Variants in TNIK observed in about 807,000 individuals in gnomAD.
TNIK encodes the protein TRAF2 and NCK interacting kinase, also known as TRAF2 and NCK-interacting protein kinase.
TNIK carries 49 observed loss-of-function variants against 191.3 expected under a neutral mutation model. The ratio of observed to expected loss-of-function variants is 0.26; its 90% CI spans 0.20 to 0.32. The LOEUF (loss-of-function observed/expected upper bound fraction) is 0.32. Ranked by LOEUF, TNIK falls within the 10% of genes least tolerant of loss-of-function variation. The probability of loss-of-function intolerance (pLI) is 1.00; values close to 1 mark genes in which losing one functional copy is unlikely to be tolerated. For missense variants in TNIK, 1,155 were observed against 1,702.3 expected (o/e 0.68, Z 5.66); for synonymous variants, 594 against 600.9 (o/e 0.99, Z 0.17).
At chr3:171,450,618 T>C (rs1036552197) in intron 1 of TNIK, among the ~76,000 whole-genome samples, 1 of 152,222 alleles carries the variant, frequency 6.6e-6, no homozygotes, top group African/African-American at 2.4e-5. Context: ...TAGACAAAGA[T>C]ATGCAAACAC....
chr3:171,265,324 G>C (rs1225659967), intron 2 of TNIK, among the ~76,000 whole-genome samples: 1 of 152,172 alleles, frequency 6.6e-6, no homozygotes, highest in African/African-American at 2.4e-5. Flanking sequence ...GACCAATTTG[G>C]ATAGGATTTC....
chr3:171,099,189 A>G (rs1397861237), intron 22 of TNIK, among the ~76,000 whole-genome samples: 1 of 152,070 alleles, frequency 6.6e-6, no homozygotes, highest in Non-Finnish European at 1.5e-5. Flanking sequence ...TCCCTCAAAT[A>G]TAACACTGAA....
intron 2 of TNIK, among the ~76,000 whole-genome samples, chr3:171,365,246 GATCTCAGCTCACCA>G (rs1715571380): frequency 7.9e-6 from 1 of 126,404 alleles, no homozygotes; most frequent in Non-Finnish European, 1.6e-5. Flanking sequence ...GCAATGGTGC[GATCTCAGCTCACCA>G]GAACCTCTGC....
intron 1 of TNIK, among the ~76,000 whole-genome samples, chr3:171,388,985 G>A (rs1354996724): frequency 1.3e-5 from 2 of 152,138 alleles, no homozygotes; most frequent in Non-Finnish European, 2.9e-5. Context: ...TAATAGCAGT[G>A]TTCATTTCTT....
intron 4 of TNIK, among the ~76,000 whole-genome samples, chr3:171,206,335 G>GTGTATATATATATATATATATATATA (rs147263548): frequency 2.3e-5 from 3 of 133,072 alleles, no homozygotes; most frequent in East Asian, 2.7e-4. Flanking sequence ...ATATGTTCGT[G>GTGTATATATATATATATATATATATA]TATATATATA....
intron 2 of TNIK, among the ~76,000 whole-genome samples, chr3:171,332,753 C>G (rs1323254795): frequency 6.6e-6 from 1 of 152,180 alleles, no homozygotes; most frequent in Non-Finnish European, 1.5e-5. Context: ...AAAGGCTAGA[C>G]ACATAAAAGA....
intron 1 of TNIK, among the ~76,000 whole-genome samples, chr3:171,450,076 C>T (rs1727992178): frequency 1.3e-5 from 2 of 152,122 alleles, no homozygotes; most frequent in South Asian, 4.1e-4. Flanking sequence ...AACAACTCAG[C>T]AGGCTTAGTC....
chr3:171,440,482 A>T (rs1726651667), intron 1 of TNIK, among the ~76,000 whole-genome samples: 1 of 152,196 alleles, frequency 6.6e-6, no homozygotes, highest in African/African-American at 2.4e-5. Flanking sequence ...GGAACAAAAG[A>T]GCTGAGCTCT....
rs16856270 is a variant in TNIK, at chr3:171,397,447, G to C, written c.58-27762C>G. 5.5e-3 allele frequency among the ~76,000 whole-genome samples: 838 copies of C among 152,326 alleles called. 12 individuals are homozygous for C. The highest frequency in any genetic ancestry group is 0.019 in the African/African-American group (791 of 41,574). ...TGACTCAAGTAAACTATTGCTCAGA[G>C]AGATGTAGACTAGGAGGACCTAGGA... On this transcript the variant is annotated intron_variant, in intron 1 of 32. Transcript: ENST00000436636.
intron 1 of TNIK, among the ~76,000 whole-genome samples, chr3:171,383,119 G>T (rs377440983): frequency 2.2e-4 from 33 of 152,270 alleles, no homozygotes; most frequent in African/African-American, 7.7e-4. Context: ...TCTCCTCACT[G>T]TCTCCCATGT....
At chr3:171,251,859 G>A (rs775641756) in intron 2 of TNIK, among the ~76,000 whole-genome samples, 21 of 152,022 alleles carry the variant, frequency 1.4e-4, no homozygotes, top group Non-Finnish European at 2.9e-4. Context: ...CATTCTAAAC[G>A]GGTAAGGAAG....
At chr3:171,102,865 T>C (rs1371060450) in intron 21 of TNIK, among the ~76,000 whole-genome samples, 1 of 152,188 alleles carries the variant, frequency 6.6e-6, no homozygotes, top group Non-Finnish European at 1.5e-5. Flanking sequence ...CTGTGATAAA[T>C]GTGTATAGTT....
intron 2 of TNIK, among the ~76,000 whole-genome samples, chr3:171,293,895 C>T (rs141042261): frequency 3.3e-5 from 5 of 152,176 alleles, no homozygotes; most frequent in African/African-American, 1.2e-4. Flanking sequence ...GCCTGAGCAA[C>T]ACAGCAAGAG....
intron 1 of TNIK, among the ~76,000 whole-genome samples, chr3:171,435,747 T>C (rs1203549179): frequency 2.0e-5 from 3 of 152,192 alleles, no homozygotes; most frequent in African/African-American, 7.2e-5. Context: ...TTCAGTTCCA[T>C]ACTGTTAATT....
chr3:171,259,438 C>T (rs949385876), intron 2 of TNIK, among the ~76,000 whole-genome samples: 3 of 152,184 alleles, frequency 2.0e-5, no homozygotes, highest in Admixed American at 6.5e-5. Context: ...AAGCTGACCC[C>T]TCACAGGAGT....
rs1560056786 is a variant in TNIK at position 171,061,567 on chromosome 3, AAAGCTGTGTGTTTCAAACTT to A, written c.*2294_*2313del. 6.6e-6 allele frequency: 1 copy of A among 152,226 alleles called. No individual in the cohort carries two copies. The allele number at this position is 152,226 out of a possible 1,614,324, so 9.4% of individuals were successfully genotyped here. A position where few individuals can be genotyped will look rare whatever the true frequency, so the allele number is the denominator to read the frequency against. ...AAATCCCACAATAAAAAAATCATTT[AAAGCTGTGTGTTTCAAACTT>A]ATCACTTAGAAATAAAAACAAAACA... On this transcript the variant is annotated 3_prime_UTR_variant, in exon 33 of 33. Coordinates refer to ENST00000436636, the MANE Select transcript of TNIK (RefSeq NM_015028.4).
chr3:171,170,692 A>G (rs903948993), intron 9 of TNIK, among the ~76,000 whole-genome samples: 1 of 152,202 alleles, frequency 6.6e-6, no homozygotes, highest in African/African-American at 2.4e-5. Context: ...CATTGCCCCC[A>G]GCAATCTCTG....
At position 171,183,852 on chromosome 3, in the gene TNIK, C is replaced by T. The variant is rs1577062373; in HGVS notation, c.639+4850G>A. On this transcript the variant is annotated intron_variant, in intron 7 of 32. Transcript: ENST00000436636. ...AGGAGAATCGCTTGAACCCAGGAGG[C>T]AGAGGTTGCAGTGAGCCGAGATCGT... Among the ~76,000 whole-genome samples the T allele has an allele frequency of 2.8e-5, 4 of 140,700 alleles. No individual in the cohort carries two copies. The Admixed American group carries it at 3.1e-4, about 11-fold the overall frequency. The allele number at this position is 140,700 out of a possible 152,430, so 92.3% of individuals were successfully genotyped here.
At chr3:171,236,406 T>G (rs987560757) in intron 2 of TNIK, among the ~76,000 whole-genome samples, 4 of 152,260 alleles carry the variant, frequency 2.6e-5, no homozygotes, top group Non-Finnish European at 5.9e-5. Context: ...GTTCTGTTTT[T>G]GTTTTCTTTT....
Sources: allele counts gnomAD v4.1 joint callset (sites outside exome capture counted in the v4.1 genomes callset), GRCh38; gene constraint gnomAD v4.1.1; transcripts MANE v1.5; gene names NCBI Gene and HGNC (gene_info 2026-07-23, HGNC 2026-07-21).